Variants in TBCD observed in about 807,000 individuals in gnomAD.
TBCD encodes the protein tubulin folding cofactor D.
A neutral mutation model predicts 169.3 loss-of-function variants in TBCD; 105 were observed. That is an observed-to-expected ratio of 0.62 (90% CI 0.53 to 0.73). TBCD has a LOEUF of 0.73. Ranked by LOEUF, TBCD falls within the 30% of genes least tolerant of loss-of-function variation. The probability of loss-of-function intolerance (pLI) is 0.00; values close to 1 mark genes in which losing one functional copy is unlikely to be tolerated. For missense variants in TBCD, 1,444 were observed against 1,600.1 expected, an observed-to-expected ratio of 0.90 and a Z score of 1.66; for synonymous variants, 700 against 643.9, an observed-to-expected ratio of 1.09 and a Z score of -1.32.
chr17:82,941,465 G>A lies in TBCD; in HGVS notation c.3546G>A (p.Arg1182=). The A allele has an allele frequency of 1.3e-6, 2 of 1,599,810 alleles. No individual in the cohort carries two copies. The highest frequency in any genetic ancestry group is 1.7e-6 in the Non-Finnish European group (2 of 1,174,492). Residue 1182 remains arginine (R), a synonymous_variant, in exon 38 of 39, where the codon AGG becomes AGA. Transcript: ENST00000355528. ...NRLCDLLGVP[R]PQLVPQPGAC ...TGTGTGACCTTCTGGGCGTACCCAG[G>A]CCCCAGCTGGTGCCCCAGGTAACCC... is the stretch of plus-strand genomic sequence containing the variant.
chr17:82,848,560 G>A (rs1466854265), intron 13 of TBCD, among the ~76,000 whole-genome samples: 3 of 152,204 alleles, frequency 2.0e-5, no homozygotes, highest in East Asian at 1.9e-4. Context: ...TGTGGCCGCC[G>A]TCTAGGGAGT....
Position 82,927,198 on chromosome 17 carries a change from T to C in TBCD, c.2484T>C (p.Thr828=), listed in dbSNP as rs1476701645. 8 of 1,613,962 alleles carry C rather than the reference T, an allele frequency of 5.0e-6. No homozygotes were observed. Among genetic ancestry groups the C allele is most frequent in the Non-Finnish European group, 6.8e-6 (8 of 1,179,880 alleles). The change falls in exon 29 of 39, where the codon ACT becomes ACC. Residue 828 remains threonine, a synonymous_variant. Transcript: ENST00000355528. ...GLKAIARICQ[T]VGVKAGAPDE... ...TTTTAAATTTCAGGATTTGCCAGAC[T>C]GTTGGTGTGAAAGCAGGAGCCCCAG...
intron 23 of TBCD, among the ~76,000 whole-genome samples, chr17:82,916,819 G>A (rs973665319): frequency 6.6e-6 from 1 of 151,904 alleles, no homozygotes; most frequent in Non-Finnish European, 1.5e-5. Flanking sequence ...TCCATAATCT[G>A]TATTTTCTGT....
At chr17:82,812,086 A>G (rs2051482286) in intron 12 of TBCD, among the ~76,000 whole-genome samples, 1 of 152,004 alleles carries the variant, frequency 6.6e-6, no homozygotes, top group Admixed American at 6.5e-5. Context: ...CCAGCCCTGC[A>G]GCATTACCCT....
rs533390429 is a variant in TBCD at position 82,920,296 on chromosome 17, G to A, written c.2039-260G>A. Reference sequence around the variant, plus strand: ...GCCCGGCTTCTCTGAAGTGCACGTGGGCTCACACATGGGCCTTCTGCCACG... The same window carrying A: ...GCCCGGCTTCTCTGAAGTGCACGTGAGCTCACACATGGGCCTTCTGCCACG... On this transcript the variant is annotated intron_variant, in intron 23 of 38. Coordinates refer to ENST00000355528, the MANE Select transcript of TBCD (RefSeq NM_005993.5). This position sits in a 1 kb window ranked among gnomAD's most constrained non-coding sequence, Gnocchi z 4.1. 4.0e-4 allele frequency among the ~76,000 whole-genome samples: 61 copies of A among 152,338 alleles called. 1 individual carries two copies. The South Asian group carries it at 0.012, about 31-fold the overall frequency.
At chr17:82,825,170 A>C (rs73364939) in intron 13 of TBCD, among the ~76,000 whole-genome samples, 1,749 of 152,258 alleles carry the variant, frequency 0.011, 33 homozygotes, top group African/African-American at 0.039. Flanking sequence ...TTGCAGGAGG[A>C]TGCTCTGCCC....
chr17:82,855,235 C>CTTT (rs58346723), intron 13 of TBCD, among the ~76,000 whole-genome samples: 3 of 53,990 alleles, frequency 5.6e-5, no homozygotes, highest in Non-Finnish European at 6.8e-5. Flanking sequence ...AAGGTGTTTG[C>CTTT]TTTTTTTTTT....
In TBCD at chr17:82,912,188, G is replaced by T. The variant is rs1043709651; in HGVS notation, c.2038+399G>T. On this transcript the variant is annotated intron_variant, in intron 23 of 38. Transcript: ENST00000355528. ...GGTCGTGCCCTGTGGACTGAGCAGC[G>T]CAGGGACCAAGAGCCGTTTTGGGCG... is the stretch of plus-strand genomic sequence containing the variant. Among the ~76,000 whole-genome samples the T allele has an allele frequency of 9.2e-5, 14 of 152,304 alleles. No individual in the cohort carries two copies. The Middle Eastern group carries it at 0.017, about 185-fold the overall frequency.
At chr17:82,875,752 G>A (rs1002746036) in intron 14 of TBCD, among the ~76,000 whole-genome samples, 2 of 152,258 alleles carry the variant, frequency 1.3e-5, no homozygotes, top group Non-Finnish European at 2.9e-5. Context: ...GCTTCCAGGG[G>A]AAGACAACAC....
At chr17:82,921,281 T>C in intron 24 of TBCD, 1 of 565,510 alleles carries the variant, frequency 1.8e-6, no homozygotes, top group South Asian at 2.4e-5. Flanking sequence ...AGAATGCTGG[T>C]ATTTCCCTCA....
chr17:82,773,709 G>C (rs1476284197), intron 6 of TBCD, among the ~76,000 whole-genome samples: 1 of 151,734 alleles, frequency 6.6e-6, no homozygotes, highest in African/African-American at 2.4e-5. Flanking sequence ...TGGTGCGAGA[G>C]TGTCTTTTCT....
At chr17:82,871,138 C>T (rs561469884) in intron 14 of TBCD, among the ~76,000 whole-genome samples, 5 of 151,938 alleles carry the variant, frequency 3.3e-5, no homozygotes, top group East Asian at 1.9e-4. Flanking sequence ...GCTCCTGCCT[C>T]GGTGTCCAGT....
intron 13 of TBCD, among the ~76,000 whole-genome samples, chr17:82,847,419 T>A (rs951820939): frequency 6.6e-6 from 1 of 150,708 alleles, no homozygotes; most frequent in Non-Finnish European, 1.5e-5. Context: ...TTACTGACTG[T>A]GTCAGACAAC....
At chr17:82,807,358 C>A (rs185262920) in intron 10 of TBCD, among the ~76,000 whole-genome samples, 2 of 152,340 alleles carry the variant, frequency 1.3e-5, no homozygotes, top group African/African-American at 4.8e-5. Context: ...GGGCAGGCAG[C>A]TGCTCCCTGT....
chr17:82,777,514 A>G (rs925089266), intron 6 of TBCD, among the ~76,000 whole-genome samples: 4 of 152,194 alleles, frequency 2.6e-5, no homozygotes, highest in Non-Finnish European at 4.4e-5. Flanking sequence ...GCCATCTCCA[A>G]CGGTAGGTAA....
intron 13 of TBCD, among the ~76,000 whole-genome samples, chr17:82,855,224 A>G (rs1598960066): frequency 8.0e-6 from 1 of 124,534 alleles, no homozygotes; most frequent in African/African-American, 3.1e-5. Flanking sequence ...AGGGGCAGGG[A>G]AAGGTGTTTG....
intron 34 of TBCD, among the ~76,000 whole-genome samples, chr17:82,934,061 G>C (rs950444336): frequency 6.6e-6 from 1 of 152,198 alleles, no homozygotes; most frequent in Non-Finnish European, 1.5e-5. Flanking sequence ...TGGGTGGTTC[G>C]TCCCCAGCCT....
In TBCD at chr17:82,831,069, T is replaced by C; in HGVS notation, c.1318+16135T>C. Reference sequence around the variant, plus strand: ...CAGCAGCCTGGGCAGGTAGGCATTCTGTGCTTTTCTTAACAGGCCTGAAGG... The same window carrying C: ...CAGCAGCCTGGGCAGGTAGGCATTCCGTGCTTTTCTTAACAGGCCTGAAGG... On this transcript the variant is annotated intron_variant, in intron 13 of 38. Transcript: ENST00000355528. This position sits in a 1 kb window ranked among gnomAD's most constrained non-coding sequence, Gnocchi z 4.6. The C allele has an allele frequency of 1.2e-6, 2 of 1,614,228 alleles. No individual in the cohort carries two copies. Among genetic ancestry groups the C allele is most frequent in the South Asian group, 2.2e-5 (2 of 91,088 alleles).
chr17:82,766,337 T>C lies in TBCD; in HGVS notation c.404T>C (p.Leu135Ser). Residue 135 changes from leucine (L) to serine (S), a missense_variant, in exon 4 of 39, where the codon TTG (leucine) becomes TCG (serine). By Grantham distance (145) the Leu-to-Ser change is moderately radical. Transcript: ENST00000355528. ...EVADVEPVLD[L>S]VTIQNPKDHE... ...GCCGATGTAGAGCCTGTTTTAGATTTGGTCACAATTCAGAATCCCAAGGAC... is the reference window on the plus strand; with the variant it reads ...GCCGATGTAGAGCCTGTTTTAGATTCGGTCACAATTCAGAATCCCAAGGAC... The C allele has an allele frequency of 6.2e-7, 1 of 1,613,240 alleles. No individual in the cohort carries two copies. The highest frequency in any genetic ancestry group is 1.6e-4 in the Middle Eastern group (1 of 6,062).
Sources: allele counts gnomAD v4.1 joint callset (sites outside exome capture counted in the v4.1 genomes callset), GRCh38; gene constraint gnomAD v4.1.1; non-coding constraint Gnocchi (gnomAD v3.1); transcripts MANE v1.5; gene names NCBI Gene and HGNC (gene_info 2026-07-23, HGNC 2026-07-21).